The following TRIP12 variants were observed in gnomAD, a reference collection of about 807,000 sequenced individuals.
TRIP12 encodes thyroid hormone receptor interactor 12, also known as E3 ubiquitin-protein ligase TRIP12.
TRIP12 carries 25 observed loss-of-function variants against 244.2 expected under a neutral mutation model. That is an observed-to-expected ratio of 0.10 (90% CI 0.07 to 0.14). The LOEUF (loss-of-function observed/expected upper bound fraction) is 0.14, where lower values mean the gene tolerates loss of function less well. Among genes scored for constraint, TRIP12 ranks in the 10% least tolerant of loss-of-function variants. The pLI is 1.00. For missense variants in TRIP12, 1,677 were observed against 2,486.4 expected (o/e 0.67, Z 6.92); for synonymous variants, 905 against 873.1 (o/e 1.04, Z -0.64).
rs553328468 is a variant in TRIP12, at chr2:229,833,738, ATATGAGT to A, written c.1271-2906_1271-2900del. Among the ~76,000 whole-genome samples, 464 of 152,274 alleles carry A rather than the reference ATATGAGT, an allele frequency of 3.0e-3. 7 individuals are homozygous for A. Among genetic ancestry groups the A allele is most frequent in the South Asian group, 0.021 (99 of 4,820 alleles). On this transcript the variant is annotated intron_variant, in intron 6 of 41. Transcript: ENST00000675903. ...TAGGTTATCTAAAGTGGGAGTTTAG[ATATGAGT>A]TATGAGTTATCTAATTTTGTAAAAC...
At chr2:229,898,352 C>A (rs13388322) in intron 1 of TRIP12, among the ~76,000 whole-genome samples, 1 of 152,160 alleles carries the variant, frequency 6.6e-6, no homozygotes, top group African/African-American at 2.4e-5. Flanking sequence ...CCACAGCGCA[C>A]GAAGTAACAA....
Position 229,892,036 on chromosome 2 carries a change from T to A in TRIP12, c.-49-11908A>T, listed in dbSNP as rs1185107924. ...ACTGACATTCATAGACAGAACATTG[T>A]TAATTCATTCCTTCAGCAAATATTT... is the stretch of plus-strand genomic sequence containing the variant. On this transcript the variant is annotated intron_variant, in intron 1 of 41. Coordinates refer to ENST00000675903, the MANE Select transcript of TRIP12 (RefSeq NM_001348323.3). Among the ~76,000 whole-genome samples, 3 of 152,238 alleles carry A rather than the reference T, an allele frequency of 2.0e-5. No homozygotes were observed. In the East Asian group the frequency reaches 5.8e-4, roughly 29 times the overall value.
At chr2:229,888,367 T>C (rs1278474855) in intron 1 of TRIP12, among the ~76,000 whole-genome samples, 1 of 152,076 alleles carries the variant, frequency 6.6e-6, no homozygotes, top group Non-Finnish European at 1.5e-5. Context: ...TAAGATTCTA[T>C]TTTCTCTATG....
At chr2:229,860,305 G>C in intron 3 of TRIP12, 101 bp downstream of exon 3, 1 of 1,391,476 alleles carries the variant, frequency 7.2e-7, no homozygotes, top group South Asian at 1.5e-5. Flanking sequence ...ATGAAAATAT[G>C]TATCAAAACG....
At chr2:229,910,729 A>G (rs996388608) in intron 1 of TRIP12, among the ~76,000 whole-genome samples, 1 of 152,200 alleles carries the variant, frequency 6.6e-6, no homozygotes, top group African/African-American at 2.4e-5. Context: ...AGTTCATAGC[A>G]GCAACTGGAA....
intron 1 of TRIP12, among the ~76,000 whole-genome samples, chr2:229,921,070 C>T (rs919729200): frequency 9.6e-5 from 14 of 146,440 alleles, no homozygotes; most frequent in African/African-American, 3.5e-4. Context: ...AATTTCCATT[C>T]TGATCTATTT....
chr2:229,919,119 A>T (rs1464302300), intron 1 of TRIP12, among the ~76,000 whole-genome samples: 3 of 152,222 alleles, frequency 2.0e-5, no homozygotes, highest in Non-Finnish European at 4.4e-5. Context: ...CAATAATCTT[A>T]CAAGTTACAC....
At chr2:229,894,930 G>C (rs1054278176) in intron 1 of TRIP12, among the ~76,000 whole-genome samples, 2 of 152,148 alleles carry the variant, frequency 1.3e-5, no homozygotes, top group Non-Finnish European at 2.9e-5. Flanking sequence ...TACTTGACAA[G>C]AGCAAAGTAA....
intron 7 of TRIP12, among the ~76,000 whole-genome samples, chr2:229,830,450 C>A (rs769895534): frequency 6.6e-6 from 1 of 152,072 alleles, no homozygotes; most frequent in Non-Finnish European, 1.5e-5. Context: ...TATTAAGGTA[C>A]CCATTTTTCA....
At chr2:229,873,270 A>C (rs1366486050) in intron 2 of TRIP12, among the ~76,000 whole-genome samples, 1 of 152,220 alleles carries the variant, frequency 6.6e-6, no homozygotes, top group Non-Finnish European at 1.5e-5. Flanking sequence ...AATGCACAAC[A>C]AAGTTATTCA....
chr2:229,779,124 G>T, intron 34 of TRIP12, 134 bp from the exon 35 acceptor site: 1 of 709,832 alleles, frequency 1.4e-6, no homozygotes, highest in Non-Finnish European at 2.4e-6. Context: ...AAAATGTCCT[G>T]GCTGGATTTA....
At chr2:229,885,601 A>G (rs1272501180) in intron 1 of TRIP12, among the ~76,000 whole-genome samples, 1 of 152,228 alleles carries the variant, frequency 6.6e-6, no homozygotes, top group Non-Finnish European at 1.5e-5. Flanking sequence ...TTAAACCACT[A>G]CAATAAAACA....
Position 229,766,440 on chromosome 2 carries a change from T to G in TRIP12, c.*1114A>C, listed in dbSNP as rs924159546. The G allele has an allele frequency of 6.6e-6, 1 of 152,184 alleles. No homozygotes were observed. The highest frequency in any genetic ancestry group is 1.5e-5 in the Non-Finnish European group (1 of 68,024). 9.4% of individuals were successfully genotyped at this position (152,184 alleles called of 1,614,324 possible). On this transcript the variant is annotated 3_prime_UTR_variant, in exon 42 of 42. Transcript: ENST00000675903. ...ATTAACCTGATGGATTATTGCAGATTTGAGAAATCAGCACATAAAATGACT... is the reference window on the plus strand; with the variant it reads ...ATTAACCTGATGGATTATTGCAGATGTGAGAAATCAGCACATAAAATGACT...
At chr2:229,790,335 A>G (rs13405043) in intron 30 of TRIP12, among the ~76,000 whole-genome samples, 2,562 of 152,286 alleles carry the variant, frequency 0.017, 70 homozygotes, top group African/African-American at 0.059. Flanking sequence ...TAGCAAGCAA[A>G]ATAATAAAAA....
In TRIP12 at chr2:229,789,027, T is replaced by C. The variant is rs74703567; in HGVS notation, c.4696-87A>G. 4,560 of 1,248,334 alleles carry C rather than the reference T, an allele frequency of 3.7e-3. 122 individuals are homozygous for C. In the African/African-American group the frequency reaches 0.059, roughly 16 times the overall value. The allele number at this position is 1,248,334 out of a possible 1,614,324, so 77.3% of individuals were successfully genotyped here. A position where few individuals can be genotyped will look rare whatever the true frequency, so the allele number is the denominator to read the frequency against. On this transcript the variant is annotated intron_variant, in intron 31 of 41. Coordinates refer to ENST00000675903, the MANE Select transcript of TRIP12 (RefSeq NM_001348323.3). ...ATCTCTTCCATTATCCCCAAGTCCA[T>C]GCAAAGTACCCTGAATTCACGTGTT...
intron 8 of TRIP12, 70 bp from the exon 9 acceptor site, chr2:229,818,582 C>T (rs1333674162): frequency 7.7e-6 from 11 of 1,432,634 alleles, no homozygotes; most frequent in South Asian, 5.2e-5. Context: ...AGGTGTGACT[C>T]GAAATGTAAT....
intron 33 of TRIP12, among the ~76,000 whole-genome samples, chr2:229,786,799 C>G (rs1442248955): frequency 1.3e-5 from 2 of 152,012 alleles, no homozygotes; most frequent in Non-Finnish European, 2.9e-5. Context: ...TGCCATCCAT[C>G]TAACTCCTTT....
chr2:229,846,355 C>A lies in TRIP12; in HGVS notation c.1028-5428G>T, dbSNP rs548718645. On this transcript the variant is annotated intron_variant, in intron 4 of 41. Transcript: ENST00000675903. ...ACCCTGATCAGTCAACATCTATCAA[C>A]ACTGAGGCAAGATCATCCACCAGCA... Among the ~76,000 whole-genome samples, 173 of 152,302 alleles carry A rather than the reference C, an allele frequency of 1.1e-3. 2 individuals carry two copies. The highest frequency in any genetic ancestry group is 2.0e-3 in the Non-Finnish European group (136 of 68,028).
At chr2:229,893,867 G>T (rs376790779) in intron 1 of TRIP12, among the ~76,000 whole-genome samples, 87 of 152,270 alleles carry the variant, frequency 5.7e-4, no homozygotes, top group African/African-American at 1.8e-3. Context: ...GCCATGCCTG[G>T]CTTTCCTTGT....
Sources: gnomAD v4.1 joint callset for allele counts (sites outside exome capture counted in the v4.1 genomes callset) on GRCh38, gnomAD v4.1.1 for gene constraint, MANE v1.5 for transcripts, NCBI Gene and HGNC (gene_info 2026-07-23, HGNC 2026-07-21) for gene names.